The following EYA4 variants were observed in gnomAD, a reference collection of about 807,000 sequenced individuals.
The protein encoded by EYA4 is EYA transcriptional coactivator and phosphatase 4, also known as protein phosphatase EYA4.
EYA4 carries 31 observed loss-of-function variants against 87.9 expected under a neutral mutation model. The observed-to-expected ratio is 0.35, with a 90% CI of 0.27 to 0.48. The LOEUF is 0.48. EYA4 is among the 20% of genes least tolerant of loss of function. EYA4 has a pLI of 0.99. For synonymous variants in EYA4, 263 were observed against 270.6 expected (o/e 0.97, Z 0.28); for missense variants, 678 against 761.4 (o/e 0.89, Z 1.29).
intron 2 of EYA4, among the ~76,000 whole-genome samples, chr6:133,291,112 G>C (rs542718388): frequency 1.3e-5 from 2 of 152,282 alleles, no homozygotes; most frequent in African/African-American, 4.8e-5. Flanking sequence ...TGGCTGCTAA[G>C]TTACTGTAGT....
chr6:133,449,607 C>CACT (rs939083637), intron 5 of EYA4, among the ~76,000 whole-genome samples: 97 of 152,282 alleles, frequency 6.4e-4, no homozygotes, highest in African/African-American at 2.2e-3. Flanking sequence ...TGGATCTTAG[C>CACT]ACTACACATA....
At chr6:133,290,646 T>C (rs1052453590) in intron 2 of EYA4, among the ~76,000 whole-genome samples, 3 of 152,216 alleles carry the variant, frequency 2.0e-5, no homozygotes, top group African/African-American at 7.2e-5. Flanking sequence ...CTCCTTTTCG[T>C]ATTGCCATGC....
At chr6:133,514,523 G>T (rs1305146807) in intron 16 of EYA4, among the ~76,000 whole-genome samples, 4 of 152,170 alleles carry the variant, frequency 2.6e-5, no homozygotes, top group Non-Finnish European at 5.9e-5. Flanking sequence ...GGACAAATGA[G>T]ACTTGCTAGA....
upstream of EYA4, chr6:133,240,630 A>T (rs1773878712): frequency 6.6e-6 from 1 of 152,284 alleles, no homozygotes; most frequent in African/African-American, 2.4e-5. Context: ...TCTGGGACGG[A>T]TGCCTATACC....
At chr6:133,330,568 T>TACACACACACAC (rs57398314) in intron 2 of EYA4, among the ~76,000 whole-genome samples, 1 of 143,882 alleles carries the variant, frequency 7.0e-6, no homozygotes, top group Non-Finnish European at 1.5e-5. Flanking sequence ...TATATATATA[T>TACACACACACAC]ACACACACAC....
At chr6:133,412,725 A>G (rs1178503166) in intron 3 of EYA4, among the ~76,000 whole-genome samples, 1 of 152,218 alleles carries the variant, frequency 6.6e-6, no homozygotes, top group Non-Finnish European at 1.5e-5. Context: ...TATTCAGCAT[A>G]GATCTCATGG....
intron 2 of EYA4, among the ~76,000 whole-genome samples, chr6:133,336,857 C>G (rs969196177): frequency 6.6e-6 from 1 of 152,092 alleles, no homozygotes; most frequent in Admixed American, 6.6e-5. Context: ...ACTAATCTTT[C>G]AATTTTTTTG....
At chr6:133,323,781 G>A (rs144232233) in intron 2 of EYA4, among the ~76,000 whole-genome samples, 10 of 152,020 alleles carry the variant, frequency 6.6e-5, no homozygotes, top group Admixed American at 3.9e-4. Flanking sequence ...AAATAATAAA[G>A]AAACTATAAT....
At position 133,443,514 on chromosome 6, in the gene EYA4, A is replaced by G. The variant is rs552664536; in HGVS notation, c.84-3116A>G. On this transcript the variant is annotated intron_variant, in intron 3 of 19. Transcript: ENST00000355286. ...TGTAAATTTTCTCTATTGTTCACAG[A>G]TTTTGTTTCAATTATTTCTACTCTT... Among the ~76,000 whole-genome samples, 190 of 152,040 alleles carry G rather than the reference A, an allele frequency of 1.2e-3. 1 individual carries two copies. Among genetic ancestry groups the G allele is most frequent in the Non-Finnish European group, 2.3e-3 (153 of 67,886 alleles).
At chr6:133,414,208 A>G (rs192514873) in intron 3 of EYA4, among the ~76,000 whole-genome samples, 201 of 151,904 alleles carry the variant, frequency 1.3e-3, no homozygotes, top group African/African-American at 4.6e-3. Context: ...CATGTTCTCT[A>G]TGCTCATCTC....
At chr6:133,446,584 A>C in intron 3 of EYA4, 46 bp from the exon 4 acceptor site, 1 of 1,611,236 alleles carries the variant, frequency 6.2e-7, no homozygotes, top group Non-Finnish European at 8.5e-7. Flanking sequence ...ATTAAAAAAT[A>C]ACTGCTGCAA....
chr6:133,381,539 C>T (rs1786223139), intron 2 of EYA4, among the ~76,000 whole-genome samples: 1 of 151,968 alleles, frequency 6.6e-6, no homozygotes, highest in Non-Finnish European at 1.5e-5. Flanking sequence ...AGTAAAACTC[C>T]TTGGATTCCA....
At chr6:133,306,952 T>A (rs540632854) in intron 2 of EYA4, among the ~76,000 whole-genome samples, 2 of 152,214 alleles carry the variant, frequency 1.3e-5, no homozygotes, top group African/African-American at 4.8e-5. Flanking sequence ...ATTTTTGTAG[T>A]GGGGCATTTA....
At chr6:133,260,740 C>T (rs1297018255) in intron 1 of EYA4, among the ~76,000 whole-genome samples, 1 of 152,090 alleles carries the variant, frequency 6.6e-6, no homozygotes, top group Non-Finnish European at 1.5e-5. Context: ...TTTGATTTAT[C>T]TCACTCAAGA....
chr6:133,391,407 C>T (rs538768309), intron 3 of EYA4, among the ~76,000 whole-genome samples: 129 of 151,894 alleles, frequency 8.5e-4, no homozygotes, highest in Non-Finnish European at 1.5e-3. Flanking sequence ...TTTCTTAACT[C>T]GGGAAAAGAG....
intron 3 of EYA4, chr6:133,439,273 A>T (rs1431050812): frequency 2.0e-5 from 3 of 152,032 alleles, no homozygotes; most frequent in African/African-American, 7.3e-5. Context: ...CCTGACTGCC[A>T]TTTAAACTCA....
chr6:133,416,993 A>C (rs2128553087), intron 3 of EYA4, among the ~76,000 whole-genome samples: 1 of 152,380 alleles, frequency 6.6e-6, no homozygotes, highest in East Asian at 1.9e-4. Context: ...AGAGCAAAGC[A>C]ATCTGTTGAT....
chr6:133,444,220 G>T (rs767572560), intron 3 of EYA4, among the ~76,000 whole-genome samples: 3 of 152,052 alleles, frequency 2.0e-5, no homozygotes, highest in African/African-American at 7.2e-5. Flanking sequence ...ATCTCTGCTT[G>T]TAGGCACATG....
chr6:133,470,258 G>C (rs1346436033), intron 11 of EYA4, among the ~76,000 whole-genome samples: 5 of 43,968 alleles, frequency 1.1e-4, no homozygotes, highest in African/African-American at 5.4e-4. Context: ...ATCTTGAATT[G>C]ATTTTTGTAT....
Sources: allele counts gnomAD v4.1 joint callset (sites outside exome capture counted in the v4.1 genomes callset), GRCh38; gene constraint gnomAD v4.1.1; transcripts MANE v1.5; gene names NCBI Gene and HGNC (gene_info 2026-07-23, HGNC 2026-07-21).